The following RIMBP2 variants were observed in gnomAD, a reference collection of about 807,000 sequenced individuals.
The protein encoded by RIMBP2 is RIMS-binding protein 2.
In RIMBP2, 48 loss-of-function variants were observed where a neutral mutation model predicts 118.6. The observed-to-expected ratio is 0.40, with a 90% CI of 0.32 to 0.51. The LOEUF (loss-of-function observed/expected upper bound fraction) is 0.51. Among genes scored for constraint, RIMBP2 ranks in the 20% least tolerant of loss-of-function variants. The pLI is 0.41. For synonymous variants in RIMBP2, 762 were observed against 742.9 expected (o/e 1.03, Z -0.42); for missense variants, 1,551 against 1,768.3 (o/e 0.88, Z 2.20).
At chr12:130,574,745 C>T (rs1472633389) in intron 2 of RIMBP2, among the ~76,000 whole-genome samples, 1 of 152,070 alleles carries the variant, frequency 6.6e-6, no homozygotes, top group African/African-American at 2.4e-5. Context: ...CCGCCCACCC[C>T]AGGGCTCACA....
chr12:130,510,929 G>T (rs545187703), intron 3 of RIMBP2, among the ~76,000 whole-genome samples: 12 of 152,278 alleles, frequency 7.9e-5, no homozygotes, highest in Admixed American at 2.0e-4. Flanking sequence ...CAAGGAGGGG[G>T]AGGGAGAACC....
Position 130,664,441 on chromosome 12 carries a change from A to ACG in RIMBP2, c.-351-35986_-351-35985insCG, listed in dbSNP as rs1425969917. Among the ~76,000 whole-genome samples the ACG allele has an allele frequency of 7.6e-3, 732 of 95,840 alleles. 16 individuals carry two copies. Among genetic ancestry groups the ACG allele is most frequent in the East Asian group, 0.013 (36 of 2,860 alleles). 62.9% of individuals were successfully genotyped at this position (95,840 alleles called of 152,430 possible). On this transcript the variant is annotated intron_variant, in intron 1 of 22. Transcript: ENST00000690449. ...CACACGCACACACATGCATGCACGCACACACGCACACACATGCACGCACAC... is the reference window on the plus strand; with the variant it reads ...CACACGCACACACATGCATGCACGCACGCACACGCACACACATGCACGCACAC...
intron 2 of RIMBP2, among the ~76,000 whole-genome samples, chr12:130,562,554 C>T (rs1231696501): frequency 1.3e-5 from 2 of 152,178 alleles, no homozygotes; most frequent in East Asian, 1.9e-4. Flanking sequence ...TGGAAGCTCA[C>T]ATAGAAGAAA....
intron 19 of RIMBP2, among the ~76,000 whole-genome samples, chr12:130,408,197 G>A (rs1240542237): frequency 1.3e-5 from 2 of 152,298 alleles, no homozygotes; most frequent in East Asian, 1.9e-4. Flanking sequence ...CAGAGTGCAC[G>A]GTTGTGACAT....
chr12:130,455,320 A>T (rs2079335052), intron 7 of RIMBP2, among the ~76,000 whole-genome samples: 1 of 152,106 alleles, frequency 6.6e-6, no homozygotes, highest in South Asian at 2.1e-4. Context: ...TGTCCACCTC[A>T]TCACCTGGTC....
At chr12:130,403,395 A>C (rs2074844799) in intron 21 of RIMBP2, among the ~76,000 whole-genome samples, 1 of 152,236 alleles carries the variant, frequency 6.6e-6, no homozygotes, top group South Asian at 2.1e-4. Flanking sequence ...GAAACTAAGA[A>C]GATAAAACAT....
chr12:130,411,174 T>C (rs10848096), intron 19 of RIMBP2, among the ~76,000 whole-genome samples: 1 of 152,150 alleles, frequency 6.6e-6, no homozygotes, highest in Non-Finnish European at 1.5e-5. Context: ...GAAATAGAAC[T>C]GATTTTTGTA....
chr12:130,608,197 T>G (rs2060300735), intron 2 of RIMBP2, among the ~76,000 whole-genome samples: 1 of 152,160 alleles, frequency 6.6e-6, no homozygotes, highest in Non-Finnish European at 1.5e-5. Context: ...TTGGTTTCTG[T>G]TGTGAATGGG....
At chr12:130,504,460 C>G (rs2050112013) in intron 4 of RIMBP2, among the ~76,000 whole-genome samples, 2 of 152,084 alleles carry the variant, frequency 1.3e-5, no homozygotes, top group African/African-American at 4.8e-5. Context: ...AAAATGCCAC[C>G]AACTCAAAGG....
chr12:130,430,689 A>G (rs1241769389), intron 14 of RIMBP2: 1 of 121,640 alleles, frequency 8.2e-6, no homozygotes, highest in African/African-American at 3.2e-5. Flanking sequence ...GGAGTGTGGT[A>G]TCACCATCTC....
chr12:130,533,854 C>A (rs920544281), intron 2 of RIMBP2, among the ~76,000 whole-genome samples: 7 of 152,128 alleles, frequency 4.6e-5, no homozygotes, highest in Admixed American at 1.3e-4. Context: ...TAAACAGTGT[C>A]TCCACGTGGA....
At position 130,683,958 on chromosome 12, in the gene RIMBP2, G is replaced by A. The variant is rs2064926287; in HGVS notation, c.-352+32264C>T. On this transcript the variant is annotated intron_variant, in intron 1 of 22. Coordinates refer to ENST00000690449, the MANE Select transcript of RIMBP2 (RefSeq NM_001393629.1). This position sits in a 1 kb window ranked among gnomAD's most constrained non-coding sequence, Gnocchi z 4.4. ...TACAGACTCACGCTGAATTCTTTCTGTAGAGAATCCCCTTTCCCTCTCCAG... is the reference window on the plus strand; with the variant it reads ...TACAGACTCACGCTGAATTCTTTCTATAGAGAATCCCCTTTCCCTCTCCAG... 1.3e-5 allele frequency among the ~76,000 whole-genome samples: 2 copies of A among 152,102 alleles called. No individual in the cohort carries two copies. Among genetic ancestry groups the A allele is most frequent in the Admixed American group, 6.5e-5 (1 of 15,278 alleles).
chr12:130,532,423 G>T, intron 2 of RIMBP2, among the ~76,000 whole-genome samples: 1 of 150,144 alleles, frequency 6.7e-6, no homozygotes, highest in African/African-American at 2.5e-5. Context: ...AATGAGATGC[G>T]TGTGTTCAGC....
At chr12:130,662,440 G>A (rs1022921617) in intron 1 of RIMBP2, among the ~76,000 whole-genome samples, 2 of 152,112 alleles carry the variant, frequency 1.3e-5, no homozygotes, top group African/African-American at 4.8e-5. Context: ...TGTGGATGAC[G>A]AGGTCAAGAG....
chr12:130,500,774 A>G (rs2049684690), intron 4 of RIMBP2, among the ~76,000 whole-genome samples: 1 of 152,118 alleles, frequency 6.6e-6, no homozygotes, highest in Non-Finnish European at 1.5e-5. Flanking sequence ...TCACTTTAGG[A>G]CATGGAAGAC....
chr12:130,612,287 C>A (rs2060606180), intron 2 of RIMBP2, among the ~76,000 whole-genome samples: 1 of 152,166 alleles, frequency 6.6e-6, no homozygotes, highest in Admixed American at 6.5e-5. Context: ...TGAGTGCGGC[C>A]CCGGGTGTTT....
At chr12:130,569,237 G>A (rs372061994) in intron 2 of RIMBP2, among the ~76,000 whole-genome samples, 2 of 152,298 alleles carry the variant, frequency 1.3e-5, no homozygotes, top group Admixed American at 6.5e-5. Context: ...GCATGACCTC[G>A]GTCACGACCT....
intron 5 of RIMBP2, among the ~76,000 whole-genome samples, chr12:130,473,276 C>G (rs993920307): frequency 6.6e-6 from 1 of 152,244 alleles, no homozygotes; most frequent in Non-Finnish European, 1.5e-5. Flanking sequence ...TAGGGGCCAA[C>G]ACAGGGAAAG....
chr12:130,416,453 G>T lies in RIMBP2; in HGVS notation c.3239-2147C>A, dbSNP rs147620929. Reference sequence around the variant, plus strand: ...CAACCCTCTGATATTTGACAAAGCTGAGAAAAATAAGCAGTGGGGAAAGGA... The same window carrying T: ...CAACCCTCTGATATTTGACAAAGCTTAGAAAAATAAGCAGTGGGGAAAGGA... On this transcript the variant is annotated intron_variant, in intron 17 of 22. Transcript: ENST00000690449. Among the ~76,000 whole-genome samples the T allele has an allele frequency of 6.4e-3, 977 of 152,278 alleles. 29 individuals carry two copies. Among genetic ancestry groups the T allele is most frequent in the Admixed American group, 0.054 (819 of 15,300 alleles).
Sources: allele counts gnomAD v4.1 joint callset (sites outside exome capture counted in the v4.1 genomes callset), GRCh38; gene constraint gnomAD v4.1.1; non-coding constraint Gnocchi (gnomAD v3.1); transcripts MANE v1.5; gene names NCBI Gene and HGNC (gene_info 2026-07-23, HGNC 2026-07-21).